SMARCD1: variants seen among roughly 807,000 people sequenced by gnomAD.
SMARCD1 encodes the protein SWI/SNF-related matrix-associated actin-dependent regulator of chromatin subfamily D member 1.
In SMARCD1, 16 loss-of-function variants were observed where a neutral mutation model predicts 70.8. The observed-to-expected ratio is 0.23, with a 90% confidence interval of 0.15 to 0.34. The LOEUF (loss-of-function observed/expected upper bound fraction) is 0.34. Among genes scored for constraint, SMARCD1 ranks in the 10% least tolerant of loss-of-function variants. SMARCD1 has a pLI of 1.00. For missense variants in SMARCD1, 409 were observed against 655.5 expected (o/e 0.62, Z 4.11); for synonymous variants, 249 against 246.0 (o/e 1.01, Z -0.11).
At position 50,088,610 on chromosome 12, in the gene SMARCD1, G is replaced by C; in HGVS notation, c.744G>C (p.Leu248=). 1 of 1,603,716 alleles carries C rather than the reference G, an allele frequency of 6.2e-7. No homozygotes were observed. Among genetic ancestry groups the C allele is most frequent in the Non-Finnish European group, 8.5e-7 (1 of 1,171,706 alleles). The change falls in exon 6 of 13, where the codon CTG becomes CTC. Residue 248 remains leucine (L), a synonymous_variant. Coordinates refer to ENST00000394963, the MANE Select transcript of SMARCD1 (RefSeq NM_003076.5). ...TGGTGATTGAACTGGACAAAGACCT[G>C]TATGGGCCAGACAACCATCTGGTAG... ...KSLVIELDKD[L]YGPDNHLVEW...
chr12:50,090,821 C>CTTTTTTTTTTT (rs11443542), intron 9 of SMARCD1, among the ~76,000 whole-genome samples: 4 of 102,438 alleles, frequency 3.9e-5, no homozygotes, highest in Non-Finnish European at 3.6e-5. Flanking sequence ...TGTATTTGTG[C>CTTTTTTTTTTT]TTTTTTTTTT....
chr12:50,089,483 T>G (rs986024382), intron 6 of SMARCD1: 1 of 166,706 alleles, frequency 6.0e-6, no homozygotes, highest in Non-Finnish European at 1.3e-5. Context: ...TGAGCATTAG[T>G]TTTCTCATCT....
intron 1 of SMARCD1, 194 bp from the exon 2 acceptor site, chr12:50,085,967 C>A (rs760461675): frequency 4.8e-6 from 2 of 418,136 alleles, no homozygotes; most frequent in Non-Finnish European, 8.4e-6. Context: ...TGAGTATAAT[C>A]TGGCTCTCGC....
chr12:50,096,000 G>C (rs1950890542), intron 10 of SMARCD1, among the ~76,000 whole-genome samples: 1 of 152,210 alleles, frequency 6.6e-6, no homozygotes, highest in Non-Finnish European at 1.5e-5. Flanking sequence ...TCACTTGCAG[G>C]AAGGTGGATG....
chr12:50,096,644 G>T (rs1950895686), intron 10 of SMARCD1: 2 of 537,024 alleles, frequency 3.7e-6, no homozygotes, highest in Non-Finnish European at 6.7e-6. Flanking sequence ...CTCACATGGG[G>T]TATACAGAGA....
chr12:50,087,538 G>T, intron 5 of SMARCD1, 53 bp downstream of exon 5: 1 of 1,601,044 alleles, frequency 6.2e-7, no homozygotes, highest in South Asian at 1.1e-5. Context: ...TGCTGGGAAT[G>T]AACAGTGTTG....
intron 10 of SMARCD1, among the ~76,000 whole-genome samples, chr12:50,095,569 C>T (rs1042183850): frequency 6.6e-6 from 1 of 151,864 alleles, no homozygotes; most frequent in Non-Finnish European, 1.5e-5. Flanking sequence ...TCAGGTGATC[C>T]ACCCGCTTCG....
At chr12:50,089,152 G>GTT (rs1420247522) in intron 6 of SMARCD1, 1 of 152,274 alleles carries the variant, frequency 6.6e-6, no homozygotes, top group Non-Finnish European at 1.5e-5. Flanking sequence ...TGAAGCCCAT[G>GTT]TTAGCAACAG....
At chr12:50,088,738 A>G in intron 6 of SMARCD1, 101 bp downstream of exon 6, 1 of 641,976 alleles carries the variant, frequency 1.6e-6, no homozygotes, top group Non-Finnish European at 2.8e-6. Flanking sequence ...TAAAGTAGTC[A>G]CTCTAGGTGT....
chr12:50,096,229 G>T (rs1950892165), intron 10 of SMARCD1, among the ~76,000 whole-genome samples: 1 of 152,178 alleles, frequency 6.6e-6, no homozygotes, highest in Non-Finnish European at 1.5e-5. Flanking sequence ...GAAATGTTAT[G>T]ATGCCTCCCA....
chr12:50,086,602 T>C lies in SMARCD1; in HGVS notation c.366-19T>C, dbSNP rs375329441. On this transcript the variant is annotated intron_variant, in intron 2 of 12. Transcript: ENST00000394963. ...GACTAGTTCTGTCCCAACCTGATAATAGTATTTATTCCCAACAGTGCAAAG... is the reference window on the plus strand; with the variant it reads ...GACTAGTTCTGTCCCAACCTGATAACAGTATTTATTCCCAACAGTGCAAAG... 49 of 1,612,190 alleles carry C rather than the reference T, an allele frequency of 3.0e-5. No homozygotes were observed. The highest frequency in any genetic ancestry group is 3.7e-5 in the Non-Finnish European group (44 of 1,178,530).
chr12:50,088,880 C>T (rs773964131), intron 6 of SMARCD1: 14 of 269,544 alleles, frequency 5.2e-5, no homozygotes, highest in Non-Finnish European at 7.6e-5. Context: ...GTCACTGCCA[C>T]CTCTTTCAAG....
intron 9 of SMARCD1, among the ~76,000 whole-genome samples, chr12:50,091,807 G>T (rs1950846234): frequency 6.6e-6 from 1 of 151,676 alleles, no homozygotes; most frequent in East Asian, 1.9e-4. Context: ...TCAAACTCCT[G>T]ACCTCAGGTG....
Position 50,099,102 on chromosome 12 carries a change from G to A in SMARCD1, c.*102G>A, listed in dbSNP as rs527666580. On this transcript the variant is annotated 3_prime_UTR_variant, in exon 13 of 13. Transcript: ENST00000394963. ...CTTGGTCTTGCTTGGGGCGTTCCAG[G>A]GGATGCTGTTGGTTCAAGGACAACA... 1.4e-4 allele frequency: 150 copies of A among 1,082,692 alleles called. No individual in the cohort carries two copies. The East Asian group carries it at 3.5e-3, about 26-fold the overall frequency. The allele number at this position is 1,082,692 out of a possible 1,614,324, so 67.1% of individuals were successfully genotyped here.
Position 50,097,035 on chromosome 12 carries a change from A to G in SMARCD1, c.1392+63A>G, listed in dbSNP as rs1432353579. On this transcript the variant is annotated intron_variant, in intron 11 of 12. Coordinates refer to ENST00000394963, the MANE Select transcript of SMARCD1 (RefSeq NM_003076.5). Reference sequence around the variant, plus strand: ...AGTGAGGTGCACAGCTGCTTTATTCATGTAGCAGCTGGTAGGAGACCCAGA... The same window carrying G: ...AGTGAGGTGCACAGCTGCTTTATTCGTGTAGCAGCTGGTAGGAGACCCAGA... 2.7e-6 allele frequency: 4 copies of G among 1,477,056 alleles called. No homozygotes were observed. The African/African-American group carries it at 5.6e-5, about 21-fold the overall frequency. The allele number at this position is 1,477,056 out of a possible 1,614,324, so 91.5% of individuals were successfully genotyped here. A position where few individuals can be genotyped will look rare whatever the true frequency, so the allele number is the denominator to read the frequency against.
chr12:50,086,709 T>C, intron 3 of SMARCD1, 46 bp downstream of exon 3: 1 of 1,613,894 alleles, frequency 6.2e-7, no homozygotes, highest in East Asian at 2.2e-5. Context: ...TGAGTTTGAG[T>C]ATAGAGATGA....
In SMARCD1 at chr12:50,088,293, A is replaced by G. The variant is rs1359025169; in HGVS notation, c.655-228A>G. 5.7e-6 allele frequency: 4 copies of G among 702,938 alleles called. No individual in the cohort carries two copies. In the Admixed American group the frequency reaches 8.0e-5, roughly 14 times the overall value. 43.5% of individuals were successfully genotyped at this position (702,938 alleles called of 1,614,324 possible). A position where few individuals can be genotyped will look rare whatever the true frequency, so the allele number is the denominator to read the frequency against. ...TTTCCCTTGGGCAAATGAGATGGGT[A>G]AAACAGTGACCCTCTATGTGTTCTA... On this transcript the variant is annotated intron_variant, in intron 5 of 12. Transcript: ENST00000394963.
intron 11 of SMARCD1, chr12:50,098,458 C>CT (rs1029723576): frequency 3.9e-6 from 2 of 507,092 alleles, no homozygotes; most frequent in African/African-American, 3.9e-5. Flanking sequence ...CTGTATGTGT[C>CT]TGTCTCCATG....
chr12:50,088,404 C>T, intron 5 of SMARCD1, 117 bp from the exon 6 acceptor site: 1 of 701,680 alleles, frequency 1.4e-6, no homozygotes, highest in Non-Finnish European at 2.6e-6. Context: ...AAGAGATATT[C>T]AGAAGATATT....
Sources: gnomAD v4.1 joint callset for allele counts (sites outside exome capture counted in the v4.1 genomes callset) on GRCh38, gnomAD v4.1.1 for gene constraint, MANE v1.5 for transcripts, NCBI Gene and HGNC (gene_info 2026-07-23, HGNC 2026-07-21) for gene names.